SETDB2: variants seen among roughly 807,000 people sequenced by gnomAD.
SETDB2 encodes SET domain bifurcated histone lysine methyltransferase 2.
Under a neutral mutation model 82.5 loss-of-function variants are expected in SETDB2, and 56 were observed. The observed-to-expected ratio is 0.68, with a 90% CI of 0.55 to 0.85. The LOEUF (loss-of-function observed/expected upper bound fraction) is 0.85, where lower values mean the gene tolerates loss of function less well. Ranked by LOEUF, SETDB2 falls within the 40% of genes least tolerant of loss-of-function variation. The pLI is 0.00. For synonymous variants in SETDB2, 272 were observed against 284.9 expected (o/e 0.95, Z 0.46); for missense variants, 677 against 816.4 (o/e 0.83, Z 2.08).
intron 2 of SETDB2, among the ~76,000 whole-genome samples, chr13:49,454,453 A>G (rs878904740): frequency 1.3e-5 from 2 of 152,154 alleles, no homozygotes; most frequent in Admixed American, 1.3e-4. Context: ...ATCCCCAGGT[A>G]GGAAAATACT....
chr13:49,482,973 G>A lies in SETDB2; in HGVS notation c.1382+11G>A. ...CAAGGAGCTTACTGTGTAAGTAACA[G>A]CTGAGGAACCCAGAGTAAATCTAAA... On this transcript the variant is annotated intron_variant, in intron 9 of 13. Coordinates refer to ENST00000611815, the MANE Select transcript of SETDB2 (RefSeq NM_001160308.3). The A allele has an allele frequency of 6.7e-7, 1 of 1,497,878 alleles. No homozygotes were observed. 92.8% of individuals were successfully genotyped at this position (1,497,878 alleles called of 1,614,324 possible).
At chr13:49,485,780 G>A (rs1447229403) in intron 11 of SETDB2, 57 bp downstream of exon 11, 1 of 1,299,156 alleles carries the variant, frequency 7.7e-7, no homozygotes, top group Non-Finnish European at 1.1e-6. Context: ...TCTGTCTCTT[G>A]CTCAATACCT....
intron 4 of SETDB2, 46 bp from the exon 5 acceptor site, chr13:49,467,818 G>A: frequency 6.9e-7 from 1 of 1,455,330 alleles, no homozygotes; most frequent in African/African-American, 1.4e-5. Flanking sequence ...ATAGCAAATG[G>A]TTTTTAACTT....
At position 49,467,903 on chromosome 13, in the gene SETDB2, C is replaced by G; in HGVS notation, c.248C>G (p.Ser83Cys). Reference sequence around the variant, plus strand: ...ACTCAGAAGGAACAGGAAAACAAATCCAATGCATTTCCCTCTACATCATGT... The same window carrying G: ...ACTCAGAAGGAACAGGAAAACAAATGCAATGCATTTCCCTCTACATCATGT... ...PVTQKEQENK[S>C]NAFPSTSCEN... is the part of the protein sequence containing the mutation. The change falls in exon 5 of 14, where the codon TCC becomes TGC. Residue 83 changes from serine to cysteine, a missense_variant. By Grantham distance (112) the Ser-to-Cys change is moderately radical (BLOSUM62 -1). Transcript: ENST00000611815. 1 of 1,611,564 alleles carries G rather than the reference C, an allele frequency of 6.2e-7. No homozygotes were observed. Among genetic ancestry groups the G allele is most frequent in the Admixed American group, 1.7e-5 (1 of 59,794 alleles).
At chr13:49,484,737 G>C (rs1340808795) in intron 10 of SETDB2, among the ~76,000 whole-genome samples, 1 of 152,172 alleles carries the variant, frequency 6.6e-6, no homozygotes, top group Non-Finnish European at 1.5e-5. Context: ...AACAAAGAGA[G>C]ACATAATGGT....
intron 5 of SETDB2, among the ~76,000 whole-genome samples, chr13:49,471,936 T>TATATATATATA (rs71664753): frequency 8.0e-4 from 77 of 95,802 alleles, no homozygotes; most frequent in East Asian, 3.6e-3. Flanking sequence ...ATATATATAT[T>TATATATATATA]TTTTTTTTTT....
intron 6 of SETDB2, among the ~76,000 whole-genome samples, chr13:49,477,305 G>A (rs1287737427): frequency 6.6e-6 from 1 of 152,098 alleles, no homozygotes; most frequent in African/African-American, 2.4e-5. Flanking sequence ...GTATGGTGGT[G>A]TGCATCTATA....
At chr13:49,485,829 A>G (rs1254406113) in intron 11 of SETDB2, 106 bp downstream of exon 11, 1 of 1,019,312 alleles carries the variant, frequency 9.8e-7, no homozygotes, top group Non-Finnish European at 1.6e-6. Flanking sequence ...AACATGCTGC[A>G]TTTGTCAGAA....
intron 1 of SETDB2, among the ~76,000 whole-genome samples, chr13:49,448,921 G>A (rs150301640): frequency 5.6e-4 from 85 of 152,234 alleles, no homozygotes; most frequent in African/African-American, 1.9e-3. Context: ...TGTACATAAA[G>A]GGTCATGAAT....
Position 49,474,028 on chromosome 13 carries a change from G to A in SETDB2, c.306-2448G>A, listed in dbSNP as rs545982229. ...TATAACCCCAGCACTTTGGGAGGCCGAGGTGGGTGGATCACTTGAGGTCAA... is the reference window on the plus strand; with the variant it reads ...TATAACCCCAGCACTTTGGGAGGCCAAGGTGGGTGGATCACTTGAGGTCAA... On this transcript the variant is annotated intron_variant, in intron 5 of 13. Transcript: ENST00000611815. Among the ~76,000 whole-genome samples the A allele has an allele frequency of 8.7e-4, 132 of 152,306 alleles. 1 individual carries two copies. The highest frequency in any genetic ancestry group is 6.8e-4 in the Non-Finnish European group (46 of 68,024).
At chr13:49,482,463 C>A (rs1045480539) in intron 8 of SETDB2, 3 of 358,634 alleles carry the variant, frequency 8.4e-6, no homozygotes, top group Non-Finnish European at 1.2e-5. Context: ...TCATCCATAT[C>A]TTTTTGTATC....
intron 7 of SETDB2, 46 bp downstream of exon 7, chr13:49,480,381 G>A (rs1365602309): frequency 9.1e-6 from 11 of 1,203,514 alleles, no homozygotes; most frequent in African/African-American, 3.1e-5. Context: ...TATCTTTGAA[G>A]GTGGGTACTT....
chr13:49,458,079 C>T (rs1957926072), intron 2 of SETDB2, among the ~76,000 whole-genome samples: 1 of 152,186 alleles, frequency 6.6e-6, no homozygotes, highest in African/African-American at 2.4e-5. Flanking sequence ...CCTGAGAAAG[C>T]CCTGCTTCAC....
chr13:49,492,112 G>C lies in SETDB2; in HGVS notation c.*263G>C, dbSNP rs1248789350. 6.6e-6 allele frequency: 2 copies of C among 304,218 alleles called. No individual in the cohort carries two copies. The highest frequency in any genetic ancestry group is 9.0e-5 in the Admixed American group (2 of 22,188). 18.8% of individuals were successfully genotyped at this position (304,218 alleles called of 1,614,324 possible). A position where few individuals can be genotyped will look rare whatever the true frequency, so the allele number is the denominator to read the frequency against. On this transcript the variant is annotated 3_prime_UTR_variant, in exon 14 of 14. Coordinates refer to ENST00000611815, the MANE Select transcript of SETDB2 (RefSeq NM_001160308.3). The stretch of plus-strand genomic sequence containing the variant: ...TGTATATTTTATATGAAATACCACT[G>C]TACAATTTATAATTTATTTACAAAT...
intron 1 of SETDB2, among the ~76,000 whole-genome samples, chr13:49,448,372 T>C (rs1294457703): frequency 6.6e-6 from 1 of 152,222 alleles, no homozygotes; most frequent in Non-Finnish European, 1.5e-5. Flanking sequence ...CCAGCTTCTT[T>C]AATTGAATGT....
Position 49,493,430 on chromosome 13 carries a change from A to T in SETDB2, c.*1581A>T, listed in dbSNP as rs1237297637. Reference sequence around the variant, plus strand: ...TCTGTCAGTTTTATCTTCTTGGAGAAATTTCTCCTAAAATCTTGATTTGCT... The same window carrying T: ...TCTGTCAGTTTTATCTTCTTGGAGATATTTCTCCTAAAATCTTGATTTGCT... On this transcript the variant is annotated 3_prime_UTR_variant, in exon 14 of 14. Coordinates refer to ENST00000611815, the MANE Select transcript of SETDB2 (RefSeq NM_001160308.3). 1 of 152,108 alleles carries T rather than the reference A, an allele frequency of 6.6e-6. No homozygotes were observed. Among genetic ancestry groups the T allele is most frequent in the Admixed American group, 6.5e-5 (1 of 15,274 alleles). The allele number at this position is 152,108 out of a possible 1,614,324, so 9.4% of individuals were successfully genotyped here.
At position 49,451,809 on chromosome 13, in the gene SETDB2, G is replaced by T; in HGVS notation, c.-85G>T. On this transcript the variant is annotated 5_prime_UTR_variant, in exon 2 of 14. Coordinates refer to ENST00000611815, the MANE Select transcript of SETDB2 (RefSeq NM_001160308.3). ...GACTGCAAATTTTATAGAGACCACA[G>T]TTGGATTCCAGTGATATTCTGCAAT... 1 of 1,088,560 alleles carries T rather than the reference G, an allele frequency of 9.2e-7. No homozygotes were observed. 67.4% of individuals were successfully genotyped at this position (1,088,560 alleles called of 1,614,324 possible).
intron 4 of SETDB2, among the ~76,000 whole-genome samples, chr13:49,463,248 C>A (rs902214943): frequency 3.9e-5 from 6 of 151,966 alleles, no homozygotes; most frequent in African/African-American, 1.5e-4. Flanking sequence ...TGAGCTCAGG[C>A]AAACTGCCTG....
At chr13:49,452,628 C>G (rs1489688250) in intron 2 of SETDB2, among the ~76,000 whole-genome samples, 2 of 152,186 alleles carry the variant, frequency 1.3e-5, no homozygotes, top group Admixed American at 1.3e-4. Flanking sequence ...TTTTTCCATT[C>G]CAAGATCCCA....
Sources: allele counts gnomAD v4.1 joint callset (sites outside exome capture counted in the v4.1 genomes callset), GRCh38; gene constraint gnomAD v4.1.1; transcripts MANE v1.5; gene names NCBI Gene and HGNC (gene_info 2026-07-23, HGNC 2026-07-21).